RAB11FIP4: variants seen among roughly 807,000 people sequenced by gnomAD.
RAB11FIP4 encodes the protein rab11 family-interacting protein 4.
In RAB11FIP4, 23 loss-of-function variants were observed where a neutral mutation model predicts 74.3. The observed-to-expected ratio is 0.31, with a 90% confidence interval of 0.22 to 0.44. The LOEUF (loss-of-function observed/expected upper bound fraction) is 0.44, where lower values mean the gene tolerates loss of function less well. Among genes scored for constraint, RAB11FIP4 ranks in the 20% least tolerant of loss-of-function variants. The pLI is 1.00. For synonymous variants in RAB11FIP4, 360 were observed against 359.9 expected (o/e 1.00, Z 0.00); for missense variants, 630 against 863.9 (o/e 0.73, Z 3.39).
intron 1 of RAB11FIP4, among the ~76,000 whole-genome samples, chr17:31,418,796 T>A (rs1260297645): frequency 2.0e-5 from 3 of 152,174 alleles, no homozygotes; most frequent in Admixed American, 6.5e-5. Context: ...AGAAAAATTT[T>A]AAAAAATTGT....
At chr17:31,396,668 G>A (rs2070934665) in intron 1 of RAB11FIP4, among the ~76,000 whole-genome samples, 1 of 152,178 alleles carries the variant, frequency 6.6e-6, no homozygotes, top group African/African-American at 2.4e-5. Context: ...CAGCTGTGGT[G>A]TTCCTGCCCC....
chr17:31,493,410 G>A (rs369276728), intron 3 of RAB11FIP4, among the ~76,000 whole-genome samples: 2 of 150,584 alleles, frequency 1.3e-5, no homozygotes, highest in Non-Finnish European at 3.0e-5. Context: ...ACCCCCCTGC[G>A]CTGTGCAAGC....
chr17:31,466,575 T>C (rs549986709), intron 3 of RAB11FIP4, among the ~76,000 whole-genome samples: 1 of 152,274 alleles, frequency 6.6e-6, no homozygotes, highest in African/African-American at 2.4e-5. Context: ...CAAAGTTGGT[T>C]GGGGCTTCTA....
intron 3 of RAB11FIP4, among the ~76,000 whole-genome samples, chr17:31,434,835 C>T (rs903805563): frequency 5.3e-5 from 8 of 152,246 alleles, no homozygotes; most frequent in African/African-American, 1.9e-4. Flanking sequence ...CTTAGGGGCG[C>T]TGCCTCCCAG....
intron 3 of RAB11FIP4, among the ~76,000 whole-genome samples, chr17:31,460,693 T>C (rs2071625608): frequency 6.6e-6 from 1 of 152,142 alleles, no homozygotes. Flanking sequence ...GGGACCATTT[T>C]TTCACAGACA....
chr17:31,502,664 C>T (rs1193500768), intron 3 of RAB11FIP4, among the ~76,000 whole-genome samples: 2 of 152,132 alleles, frequency 1.3e-5, no homozygotes, highest in African/African-American at 2.4e-5. Context: ...GCGAAAAATC[C>T]AGACTGAGCT....
At chr17:31,487,932 G>A in intron 3 of RAB11FIP4, 1 of 608,112 alleles carries the variant, frequency 1.6e-6, no homozygotes, top group Non-Finnish European at 2.1e-6. Flanking sequence ...CCCGCGGCTC[G>A]GGTTCCGGGG....
intron 1 of RAB11FIP4, among the ~76,000 whole-genome samples, chr17:31,420,273 C>T (rs2071186641): frequency 6.6e-6 from 1 of 152,110 alleles, no homozygotes; most frequent in African/African-American, 2.4e-5. Context: ...CTCTGTCACC[C>T]AGGCTAGAGT....
At chr17:31,458,321 A>G (rs989045147) in intron 3 of RAB11FIP4, among the ~76,000 whole-genome samples, 1 of 152,220 alleles carries the variant, frequency 6.6e-6, no homozygotes, top group African/African-American at 2.4e-5. Context: ...GCTGCGCATC[A>G]GGAGCATCTG....
At chr17:31,393,117 G>C (rs929383930) in intron 1 of RAB11FIP4, among the ~76,000 whole-genome samples, 1 of 152,230 alleles carries the variant, frequency 6.6e-6, no homozygotes, top group African/African-American at 2.4e-5. Context: ...GGCATGGGCC[G>C]GGACTTGTGA....
chr17:31,419,553 C>CTTT (rs559266824), intron 1 of RAB11FIP4, among the ~76,000 whole-genome samples: 1 of 138,262 alleles, frequency 7.2e-6, no homozygotes, highest in Admixed American at 7.3e-5. Context: ...TTTCTTTTTT[C>CTTT]TTTTTTTTTT....
chr17:31,427,835 C>A (rs1454391943), intron 1 of RAB11FIP4, among the ~76,000 whole-genome samples: 2 of 152,178 alleles, frequency 1.3e-5, no homozygotes, highest in African/African-American at 4.8e-5. Context: ...CCCTGCAGCC[C>A]TGCAGGTGGC....
chr17:31,529,128 T>C (rs1597987769), intron 13 of RAB11FIP4, among the ~76,000 whole-genome samples: 2 of 149,898 alleles, frequency 1.3e-5, no homozygotes. Flanking sequence ...AGACAGGGTC[T>C]TGCTCTGATA....
intron 3 of RAB11FIP4, chr17:31,488,160 C>G: frequency 1.9e-6 from 2 of 1,064,744 alleles, no homozygotes; most frequent in Non-Finnish European, 2.3e-6. Context: ...TGTTCCTGCG[C>G]TTCGGGGCTG....
At chr17:31,508,677 G>A (rs914947009) in intron 3 of RAB11FIP4, among the ~76,000 whole-genome samples, 3 of 151,234 alleles carry the variant, frequency 2.0e-5, no homozygotes, top group Middle Eastern at 3.2e-3. Flanking sequence ...CCTCCCTGAG[G>A]ACAGGCTCTG....
intron 3 of RAB11FIP4, among the ~76,000 whole-genome samples, chr17:31,504,282 C>A (rs1238651818): frequency 1.3e-5 from 2 of 150,100 alleles, no homozygotes; most frequent in African/African-American, 2.5e-5. Flanking sequence ...AGGCACCCAC[C>A]ACCACGCCCG....
Position 31,521,220 on chromosome 17 carries a change from C to T in RAB11FIP4, c.618C>T (p.Thr206=). The T allele has an allele frequency of 6.2e-7, 1 of 1,613,800 alleles. No individual in the cohort carries two copies. ...MTTSDLSTHS[T]TSLISNEEQF... is the part of the protein sequence containing the mutation. ...CCTCAGACCTTTCTACACACTCCAC[C>T]ACCTCGCTCATCAGCAATGAGGAGC... Residue 206 remains threonine, a synonymous_variant, in exon 5 of 15, where the codon ACC becomes ACT. Transcript: ENST00000621161.
At chr17:31,523,475 G>C in intron 7 of RAB11FIP4, 37 bp from the exon 8 acceptor site, 1 of 1,542,578 alleles carries the variant, frequency 6.5e-7, no homozygotes, top group Non-Finnish European at 9.0e-7. Flanking sequence ...TCTCTGGAAG[G>C]CCCCTGCAGC....
At chr17:31,523,706 C>T in intron 8 of RAB11FIP4, 95 bp downstream of exon 8, 3 of 1,257,594 alleles carry the variant, frequency 2.4e-6, no homozygotes, top group Non-Finnish European at 3.5e-6. Flanking sequence ...CTTGGGAGAC[C>T]CTGTACCTGC....
Sources: gnomAD v4.1 joint callset for allele counts (sites outside exome capture counted in the v4.1 genomes callset) on GRCh38, gnomAD v4.1.1 for gene constraint, MANE v1.5 for transcripts, NCBI Gene and HGNC (gene_info 2026-07-23, HGNC 2026-07-21) for gene names.